Variants in SEZ6L observed in about 807,000 individuals in gnomAD.
The protein encoded by SEZ6L is seizure 6-like protein.
A neutral mutation model predicts 106.2 loss-of-function variants in SEZ6L; 37 were observed. The ratio of observed to expected loss-of-function variants is 0.35; its 90% CI spans 0.27 to 0.46. The LOEUF is 0.46. SEZ6L is among the 20% of genes least tolerant of loss of function. The probability of loss-of-function intolerance (pLI) is 1.00; values close to 1 mark genes in which losing one functional copy is unlikely to be tolerated. For missense variants in SEZ6L, 1,172 were observed against 1,332.8 expected, an observed-to-expected ratio of 0.88 and a Z score of 1.88; for synonymous variants, 541 against 570.4, an observed-to-expected ratio of 0.95 and a Z score of 0.73.
At chr22:26,246,421 C>G (rs1250287636) in intron 1 of SEZ6L, among the ~76,000 whole-genome samples, 1 of 152,090 alleles carries the variant, frequency 6.6e-6, no homozygotes, top group East Asian at 1.9e-4. Context: ...GAAAATGGGG[C>G]ACACTGCTTT....
intron 1 of SEZ6L, among the ~76,000 whole-genome samples, chr22:26,287,151 C>T (rs1310344393): frequency 6.6e-6 from 1 of 151,892 alleles, no homozygotes; most frequent in Non-Finnish European, 1.5e-5. Flanking sequence ...GAGAGATACG[C>T]TGCTGCCCCA....
At chr22:26,357,576 A>G (rs2093979053) in intron 12 of SEZ6L, among the ~76,000 whole-genome samples, 1 of 152,212 alleles carries the variant, frequency 6.6e-6, no homozygotes, top group African/African-American at 2.4e-5. Context: ...GTTTATTGAA[A>G]TGATCTGTTT....
intron 1 of SEZ6L, among the ~76,000 whole-genome samples, chr22:26,227,959 G>A (rs1602089817): frequency 6.6e-6 from 1 of 152,194 alleles, no homozygotes; most frequent in Admixed American, 6.5e-5. Context: ...CACAAGCCCC[G>A]CGAGAGTGGA....
At chr22:26,221,556 C>T (rs1478137195) in intron 1 of SEZ6L, among the ~76,000 whole-genome samples, 2 of 152,316 alleles carry the variant, frequency 1.3e-5, no homozygotes, top group East Asian at 3.9e-4. Context: ...AGAAAGTGTG[C>T]AAGGAGCTTC....
At chr22:26,360,243 G>A (rs1169325176) in intron 12 of SEZ6L, among the ~76,000 whole-genome samples, 1 of 152,144 alleles carries the variant, frequency 6.6e-6, no homozygotes, top group Non-Finnish European at 1.5e-5. Context: ...ACTTAGCCTG[G>A]GGGTCCTGCT....
chr22:26,365,236 AAC>A, intron 12 of SEZ6L, 134 bp from the exon 13 acceptor site: 1 of 678,362 alleles, frequency 1.5e-6, no homozygotes, highest in South Asian at 2.3e-5. Flanking sequence ...AGAAATAGAA[AAC>A]AGTCTGATGC....
intron 16 of SEZ6L, among the ~76,000 whole-genome samples, chr22:26,378,797 G>A (rs2084316256): frequency 6.6e-6 from 1 of 152,186 alleles, no homozygotes; most frequent in African/African-American, 2.4e-5. Flanking sequence ...ATGATGTGCA[G>A]CCATCTCCCA....
chr22:26,180,728 T>TG (rs1252265155), intron 1 of SEZ6L, among the ~76,000 whole-genome samples: 1 of 152,106 alleles, frequency 6.6e-6, no homozygotes, highest in African/African-American at 2.4e-5. Context: ...AGCCTCAAGG[T>TG]GGGGTCCCAG....
At chr22:26,212,911 A>C (rs1300188048) in intron 1 of SEZ6L, among the ~76,000 whole-genome samples, 1 of 152,226 alleles carries the variant, frequency 6.6e-6, no homozygotes, top group Non-Finnish European at 1.5e-5. Flanking sequence ...CCTTGGGGTC[A>C]GAACTCCCGT....
intron 9 of SEZ6L, among the ~76,000 whole-genome samples, chr22:26,321,468 A>C (rs1319484617): frequency 6.6e-6 from 1 of 152,166 alleles, no homozygotes; most frequent in African/African-American, 2.4e-5. Flanking sequence ...AAAGAGATTA[A>C]AGCTTTGCAG....
chr22:26,213,962 G>T (rs1018090678), intron 1 of SEZ6L, among the ~76,000 whole-genome samples: 1 of 152,226 alleles, frequency 6.6e-6, no homozygotes, highest in Non-Finnish European at 1.5e-5. Context: ...AGCAAGGATG[G>T]ATTGGGCCCA....
chr22:26,290,115 G>A (rs2081061444), intron 1 of SEZ6L, among the ~76,000 whole-genome samples: 1 of 152,226 alleles, frequency 6.6e-6, no homozygotes, highest in Non-Finnish European at 1.5e-5. Context: ...ACAGCTGAGG[G>A]AACTGAGGCT....
At chr22:26,192,631 T>C (rs910769677) in intron 1 of SEZ6L, among the ~76,000 whole-genome samples, 2 of 152,236 alleles carry the variant, frequency 1.3e-5, no homozygotes, top group Non-Finnish European at 2.9e-5. Flanking sequence ...GCTTTTGCAG[T>C]TTTCTTTTAC....
chr22:26,377,928 C>G (rs553651620), intron 16 of SEZ6L, among the ~76,000 whole-genome samples, 153 bp downstream of exon 16: 1 of 152,292 alleles, frequency 6.6e-6, no homozygotes, highest in East Asian at 1.9e-4. Context: ...GAGATAAATG[C>G]TGGGAGAACC....
chr22:26,318,334 A>G (rs1043817124), intron 9 of SEZ6L, among the ~76,000 whole-genome samples: 36 of 152,004 alleles, frequency 2.4e-4, no homozygotes, highest in Non-Finnish European at 1.8e-4. Flanking sequence ...TCAGCCTCCC[A>G]AAGTGGTGGG....
intron 1 of SEZ6L, among the ~76,000 whole-genome samples, chr22:26,232,627 A>G (rs2145749147): frequency 6.6e-6 from 1 of 152,352 alleles, no homozygotes; most frequent in Non-Finnish European, 1.5e-5. Context: ...TGCCAATAGT[A>G]TTCAATGCAA....
intron 1 of SEZ6L, among the ~76,000 whole-genome samples, chr22:26,216,680 GAA>G: frequency 6.6e-6 from 1 of 151,804 alleles, no homozygotes; most frequent in Non-Finnish European, 1.5e-5. Flanking sequence ...AAAAGAAAAA[GAA>G]AAAGAAAAAG....
At chr22:26,252,868 T>C (rs771794032) in intron 1 of SEZ6L, among the ~76,000 whole-genome samples, 4 of 152,260 alleles carry the variant, frequency 2.6e-5, no homozygotes, top group Non-Finnish European at 4.4e-5. Context: ...TGGTGAATAG[T>C]GCTGTAATTA....
chr22:26,358,240 T>C (rs1297234713), intron 12 of SEZ6L, among the ~76,000 whole-genome samples: 3 of 152,332 alleles, frequency 2.0e-5, no homozygotes, highest in Non-Finnish European at 1.5e-5. Flanking sequence ...AGGGCCTTTG[T>C]TATAGCAGAA....
Sources: allele counts gnomAD v4.1 joint callset (sites outside exome capture counted in the v4.1 genomes callset), GRCh38; gene constraint gnomAD v4.1.1; transcripts MANE v1.5; gene names NCBI Gene and HGNC (gene_info 2026-07-23, HGNC 2026-07-21).